The following DPP10 variants were observed in gnomAD, a reference collection of about 807,000 sequenced individuals.
The protein encoded by DPP10 is inactive dipeptidyl peptidase 10.
DPP10 carries 33 observed loss-of-function variants against 120.9 expected under a neutral mutation model. The observed-to-expected ratio is 0.27, with a 90% confidence interval of 0.21 to 0.37. DPP10 has a LOEUF of 0.37. Among genes scored for constraint, DPP10 ranks in the 10% least tolerant of loss-of-function variants. DPP10 has a pLI of 1.00. For missense variants in DPP10, 816 were observed against 942.8 expected, an observed-to-expected ratio of 0.87 and a Z score of 1.76; for synonymous variants, 337 against 326.1, an observed-to-expected ratio of 1.03 and a Z score of -0.36.
At chr2:114,801,702 GC>G (rs1684262237) in intron 1 of DPP10, among the ~76,000 whole-genome samples, 1 of 152,166 alleles carries the variant, frequency 6.6e-6, no homozygotes, top group African/African-American at 2.4e-5. Context: ...ACAGAAAAGG[GC>G]CCACAAGGGA....
At chr2:114,683,188 G>A (rs1699139592) in intron 1 of DPP10, among the ~76,000 whole-genome samples, 1 of 152,000 alleles carries the variant, frequency 6.6e-6, no homozygotes, top group Admixed American at 6.6e-5. Context: ...CGTAGATTAT[G>A]AAATGTTAAT....
At chr2:115,390,786 C>T (rs1468173850) in intron 3 of DPP10, among the ~76,000 whole-genome samples, 2 of 152,116 alleles carry the variant, frequency 1.3e-5, no homozygotes, top group Admixed American at 1.3e-4. Flanking sequence ...ATCTAGACCT[C>T]ACTAAAAATT....
chr2:115,236,683 CTA>C (rs1046287515), intron 1 of DPP10, among the ~76,000 whole-genome samples: 5 of 152,252 alleles, frequency 3.3e-5, no homozygotes, highest in African/African-American at 1.2e-4. Context: ...TTTTTCTATC[CTA>C]TGACTCTCTT....
At chr2:114,674,894 G>A (rs556191474) in intron 1 of DPP10, among the ~76,000 whole-genome samples, 1 of 152,296 alleles carries the variant, frequency 6.6e-6, no homozygotes, top group African/African-American at 2.4e-5. Context: ...TTAGATTACA[G>A]TTAAGACTAT....
At chr2:114,714,008 TAATA>T (rs977328721) in intron 1 of DPP10, among the ~76,000 whole-genome samples, 18 of 150,008 alleles carry the variant, frequency 1.2e-4, no homozygotes, top group South Asian at 4.2e-4. Flanking sequence ...AAAAATAAAA[TAATA>T]AATAAATAAT....
chr2:114,473,962 G>T (rs1400508426), intron 1 of DPP10, among the ~76,000 whole-genome samples: 2 of 152,028 alleles, frequency 1.3e-5, no homozygotes, highest in South Asian at 2.1e-4. Context: ...GTTATTTTTC[G>T]TTGTTGTTTT....
chr2:115,565,937 C>T (rs980831858), intron 5 of DPP10, among the ~76,000 whole-genome samples: 5 of 151,944 alleles, frequency 3.3e-5, no homozygotes, highest in Non-Finnish European at 7.4e-5. Flanking sequence ...AGGCATGCGC[C>T]ACCAAGCTCA....
intron 5 of DPP10, among the ~76,000 whole-genome samples, chr2:115,603,152 G>C (rs901534144): frequency 6.6e-6 from 1 of 150,464 alleles, no homozygotes; most frequent in Non-Finnish European, 1.5e-5. Flanking sequence ...GTGTGTGTGT[G>C]TGTGTGTGTG....
At chr2:114,920,564 T>C (rs1695128113) in intron 1 of DPP10, among the ~76,000 whole-genome samples, 1 of 152,240 alleles carries the variant, frequency 6.6e-6, no homozygotes. Context: ...TGAATAACTA[T>C]AGCCTGTGGT....
intron 1 of DPP10, among the ~76,000 whole-genome samples, chr2:114,898,597 T>G (rs906193274): frequency 1.3e-5 from 2 of 152,140 alleles, no homozygotes; most frequent in Non-Finnish European, 2.9e-5. Flanking sequence ...CAGTTAAATC[T>G]AAATGTAGCA....
intron 1 of DPP10, among the ~76,000 whole-genome samples, chr2:114,471,839 C>T (rs566446058): frequency 6.6e-6 from 1 of 152,086 alleles, no homozygotes; most frequent in African/African-American, 2.4e-5. Flanking sequence ...AAGAGAAGCA[C>T]TAGAAACATA....
chr2:114,721,463 G>A (rs1475552079), intron 1 of DPP10, among the ~76,000 whole-genome samples: 1 of 152,156 alleles, frequency 6.6e-6, no homozygotes, highest in Non-Finnish European at 1.5e-5. Flanking sequence ...TTTTCTCTTT[G>A]TTTTGCCAGT....
At chr2:115,226,099 C>G (rs551396175) in intron 1 of DPP10, among the ~76,000 whole-genome samples, 1 of 152,100 alleles carries the variant, frequency 6.6e-6, no homozygotes, top group East Asian at 1.9e-4. Flanking sequence ...GCTGCACATG[C>G]TAAATGCTTG....
At chr2:114,921,884 A>G (rs1695221343) in intron 1 of DPP10, among the ~76,000 whole-genome samples, 2 of 152,236 alleles carry the variant, frequency 1.3e-5, no homozygotes, top group African/African-American at 4.8e-5. Flanking sequence ...CAGCAGGTAT[A>G]TAAAACACAG....
rs192400656 is a variant in DPP10 at position 115,196,489 on chromosome 2, C to T, written c.61-112750C>T. 4.0e-4 allele frequency among the ~76,000 whole-genome samples: 61 copies of T among 152,288 alleles called. 1 individual carries two copies. The highest frequency in any genetic ancestry group is 3.4e-3 in the Middle Eastern group (1 of 294). On this transcript the variant is annotated intron_variant, in intron 1 of 25. Transcript: ENST00000410059. ...TAAGACTATATTTATTTTAGATACT[C>T]TCCACATAATTAGTATTGCAGAGCT...
At chr2:115,046,055 A>G (rs1442702127) in intron 1 of DPP10, among the ~76,000 whole-genome samples, 2 of 152,026 alleles carry the variant, frequency 1.3e-5, no homozygotes, top group African/African-American at 4.8e-5. Flanking sequence ...TGTCAAATAG[A>G]TTCAAACTAT....
chr2:115,405,148 A>G (rs2068412625), intron 3 of DPP10, among the ~76,000 whole-genome samples: 1 of 152,242 alleles, frequency 6.6e-6, no homozygotes, highest in South Asian at 2.1e-4. Flanking sequence ...TCCAGCTATA[A>G]GCCTGTAAAA....
At chr2:114,526,323 C>T (rs546489990) in intron 1 of DPP10, among the ~76,000 whole-genome samples, 25 of 152,176 alleles carry the variant, frequency 1.6e-4, no homozygotes, top group East Asian at 5.8e-4. Context: ...TTTTTATTGA[C>T]GATTGGGGGA....
At chr2:115,568,413 G>A (rs2081141296) in intron 5 of DPP10, among the ~76,000 whole-genome samples, 1 of 152,016 alleles carries the variant, frequency 6.6e-6, no homozygotes, top group Admixed American at 6.6e-5. Flanking sequence ...AATCCGGGAG[G>A]CAGAGCTTGC....
Sources: gnomAD v4.1 joint callset for allele counts (sites outside exome capture counted in the v4.1 genomes callset) on GRCh38, gnomAD v4.1.1 for gene constraint, MANE v1.5 for transcripts, NCBI Gene and HGNC (gene_info 2026-07-23, HGNC 2026-07-21) for gene names.